EXTL3: variants seen among roughly 807,000 people sequenced by gnomAD.
EXTL3 encodes the protein exostosin like glycosyltransferase 3.
Under a neutral mutation model 69.3 loss-of-function variants are expected in EXTL3, and 27 were observed. The ratio of observed to expected loss-of-function variants is 0.39; its 90% confidence interval spans 0.29 to 0.54. The LOEUF is 0.54. Ranked by LOEUF, EXTL3 falls within the 20% of genes least tolerant of loss-of-function variation. The probability of loss-of-function intolerance (pLI) is 0.69; values close to 1 mark genes in which losing one functional copy is unlikely to be tolerated. For missense variants in EXTL3, 1,003 were observed against 1,231.8 expected (o/e 0.81, Z 2.78); for synonymous variants, 511 against 499.4 (o/e 1.02, Z -0.31).
intron 1 of EXTL3, among the ~76,000 whole-genome samples, chr8:28,684,853 A>AT (rs1361802569): frequency 5.3e-5 from 6 of 114,282 alleles, no homozygotes; most frequent in African/African-American, 2.1e-4. Context: ...ATTTTGCTAT[A>AT]TTTTTTCTCT....
intron 1 of EXTL3, among the ~76,000 whole-genome samples, chr8:28,630,035 G>A (rs1806549537): frequency 6.6e-6 from 1 of 152,082 alleles, no homozygotes; most frequent in Admixed American, 6.6e-5. Context: ...GGTAGATAGA[G>A]CCTCTTTTTC....
chr8:28,661,942 C>G (rs1445905821), intron 1 of EXTL3, among the ~76,000 whole-genome samples: 2 of 150,628 alleles, frequency 1.3e-5, no homozygotes, highest in Non-Finnish European at 3.0e-5. Context: ...TATTGTTTCA[C>G]ATATTACATA....
At chr8:28,656,789 C>T (rs1807017545) in intron 1 of EXTL3, among the ~76,000 whole-genome samples, 3 of 152,098 alleles carry the variant, frequency 2.0e-5, no homozygotes, top group African/African-American at 4.8e-5. Context: ...TTGCTTACTC[C>T]TTTCATAACC....
At chr8:28,641,621 C>T (rs887428467) in intron 1 of EXTL3, among the ~76,000 whole-genome samples, 3 of 151,574 alleles carry the variant, frequency 2.0e-5, no homozygotes, top group Admixed American at 6.6e-5. Flanking sequence ...GGATTACAGG[C>T]GTGTGCCACC....
At position 28,717,504 on chromosome 8, in the gene EXTL3, C is replaced by G; in HGVS notation, c.1445C>G (p.Ala482Gly). ...GACATGCTGCAGTGGAACGAGGCGG[C>G]CCTGGTGGTGCCAAAGCCTCGTGTT... ...YQDMLQWNEA[A>G]LVVPKPRVTE... Residue 482 changes from alanine (A) to glycine (G), a missense_variant, in exon 3 of 7, where the codon GCC (alanine) becomes GGC (glycine). By Grantham distance (60) the Ala-to-Gly change is moderately conservative. Coordinates refer to ENST00000220562, the MANE Select transcript of EXTL3 (RefSeq NM_001440.4). The surrounding 1 kb of genome is among the most constrained non-coding windows in gnomAD (Gnocchi z 8.3). 3.7e-6 allele frequency: 6 copies of G among 1,614,248 alleles called. No individual in the cohort carries two copies. In the South Asian group the frequency reaches 6.6e-5, roughly 18 times the overall value.
At chr8:28,648,209 C>T (rs1373642501) in intron 1 of EXTL3, among the ~76,000 whole-genome samples, 1 of 151,902 alleles carries the variant, frequency 6.6e-6, no homozygotes, top group African/African-American at 2.4e-5. Context: ...TGTTTTGGGC[C>T]CCTTTGGTTG....
intron 1 of EXTL3, among the ~76,000 whole-genome samples, chr8:28,638,812 G>A (rs1203308298): frequency 6.6e-6 from 1 of 151,996 alleles, no homozygotes; most frequent in South Asian, 2.1e-4. Context: ...TGTATTTTTA[G>A]TACAGACGGG....
intron 3 of EXTL3, among the ~76,000 whole-genome samples, chr8:28,724,592 C>T (rs1801369456): frequency 6.7e-6 from 1 of 148,936 alleles, no homozygotes; most frequent in East Asian, 2.0e-4. Context: ...ATGGTGAAAC[C>T]CTGTCTCTGC....
chr8:28,671,591 C>T lies in EXTL3; in HGVS notation c.-52-41866C>T, dbSNP rs563121600. Among the ~76,000 whole-genome samples the T allele has an allele frequency of 6.0e-5, 9 of 151,004 alleles. No individual in the cohort carries two copies. In the South Asian group the frequency reaches 1.9e-3, roughly 32 times the overall value. ...CTGACCTCAGGTGGTCACCTGCTTT[C>T]GCCTCCCAAAGTGCTGGGATTACAG... On this transcript the variant is annotated intron_variant, in intron 1 of 6. Coordinates refer to the EXTL3 transcript ENST00000523149.
intron 1 of EXTL3, among the ~76,000 whole-genome samples, chr8:28,666,615 G>A (rs781667109): frequency 1.3e-5 from 2 of 151,112 alleles, no homozygotes; most frequent in East Asian, 1.9e-4. Flanking sequence ...TCACTCTGTC[G>A]CCCAGGCTGG....
intron 4 of EXTL3, among the ~76,000 whole-genome samples, chr8:28,736,436 T>G (rs1253168640): frequency 6.6e-6 from 1 of 152,248 alleles, no homozygotes; most frequent in Non-Finnish European, 1.5e-5. Flanking sequence ...TTCTCCAATT[T>G]ATCCTGTGAA....
intron 1 of EXTL3, among the ~76,000 whole-genome samples, chr8:28,632,494 T>A (rs1190796367): frequency 9.9e-5 from 15 of 151,902 alleles, no homozygotes. Flanking sequence ...GTGCTAACAA[T>A]GATTGAGACC....
Position 28,744,290 on chromosome 8 carries a change from A to G in EXTL3, c.2550+1076A>G, listed in dbSNP as rs532210845. 2.0e-5 allele frequency among the ~76,000 whole-genome samples: 3 copies of G among 152,346 alleles called. No individual in the cohort carries two copies. The South Asian group carries it at 6.2e-4, about 32-fold the overall frequency. ...AACAAACTAATGAGGTCTTATTTTC[A>G]TTATTATCAAAAAGGCATATTATTT... On this transcript the variant is annotated intron_variant, in intron 6 of 6. Transcript: ENST00000220562.
chr8:28,748,720 A>G (rs1801942416), intron 6 of EXTL3, among the ~76,000 whole-genome samples: 1 of 152,172 alleles, frequency 6.6e-6, no homozygotes, highest in South Asian at 2.1e-4. Flanking sequence ...TGTTTATTTT[A>G]ACCTTGACTC....
At chr8:28,635,000 A>T (rs1806630348) in intron 1 of EXTL3, among the ~76,000 whole-genome samples, 1 of 152,032 alleles carries the variant, frequency 6.6e-6, no homozygotes, top group East Asian at 1.9e-4. Context: ...ATGACGTTGT[A>T]AACTTAGCAC....
chr8:28,656,011 T>G (rs780585966), intron 1 of EXTL3, among the ~76,000 whole-genome samples: 3 of 152,144 alleles, frequency 2.0e-5, no homozygotes, highest in Admixed American at 6.5e-5. Context: ...GGTGTCAAGA[T>G]GAGTCCAGAT....
chr8:28,611,329 T>C (rs1236905479), intron 2 of EXTL3, among the ~76,000 whole-genome samples: 5 of 152,080 alleles, frequency 3.3e-5, no homozygotes, highest in Non-Finnish European at 7.4e-5. Flanking sequence ...TGTGCACGCC[T>C]GTAGTCCCAG....
intron 1 of EXTL3, among the ~76,000 whole-genome samples, chr8:28,678,514 C>T (rs1027874058): frequency 6.6e-6 from 1 of 152,078 alleles, no homozygotes; most frequent in African/African-American, 2.4e-5. Flanking sequence ...TCTCTCTTTG[C>T]TTTTTCTCTC....
Position 28,681,769 on chromosome 8 carries a change from A to T in EXTL3, c.-52-31688A>T, listed in dbSNP as rs112514412. Among the ~76,000 whole-genome samples, 518 of 151,948 alleles carry T rather than the reference A, an allele frequency of 3.4e-3. 1 individual carries two copies. The highest frequency in any genetic ancestry group is 0.012 in the African/African-American group (495 of 41,450). On this transcript the variant is annotated intron_variant, in intron 1 of 6. Transcript: ENST00000523149. ...GCCATGTCCCATTCTTATCAACAAT[A>T]TAGGCTGGGCATGGTAGCTCACGCC...
Sources: gnomAD v4.1 joint callset for allele counts (sites outside exome capture counted in the v4.1 genomes callset) on GRCh38, gnomAD v4.1.1 for gene constraint, Gnocchi (gnomAD v3.1) non-coding constraint, MANE v1.5 for transcripts, NCBI Gene and HGNC (gene_info 2026-07-23, HGNC 2026-07-21) for gene names.